The following MYH16 variants were observed in gnomAD, a reference collection of about 807,000 sequenced individuals.
MYH16 encodes the protein putative uncharacterized protein MYH16.
rs112941638 is a variant in MYH16, at chr7:99,294,554, A to ATAT, written n.4282+404_4282+405insTAT. On this transcript the variant is annotated intron_variant and non_coding_transcript_variant, in intron 33 of 41. Coordinates refer to ENST00000439784, the Ensembl canonical transcript of MYH16. ...AAGAAAAAGAAAAAAAGAAAAAAAA[A>ATAT]ATATATATATATATTTTTTTTCTTT... is the stretch of plus-strand genomic sequence containing the variant. Among the ~76,000 whole-genome samples the ATAT allele has an allele frequency of 1.7e-3, 222 of 132,896 alleles. 2 individuals carry two copies. Among genetic ancestry groups the ATAT allele is most frequent in the Admixed American group, 3.6e-3 (44 of 12,160 alleles). 87.2% of individuals were successfully genotyped at this position (132,896 alleles called of 152,430 possible). A position where few individuals can be genotyped will look rare whatever the true frequency, so the allele number is the denominator to read the frequency against.
At chr7:99,305,280 A>C (rs1792664514) in intron 40 of MYH16, among the ~76,000 whole-genome samples, 1 of 152,118 alleles carries the variant, frequency 6.6e-6, no homozygotes, top group Non-Finnish European at 1.5e-5. Context: ...AATTTCTCTC[A>C]AGTTCTCCTC....
At chr7:99,309,989 C>G (rs1443887910), downstream of MYH16, among the ~76,000 whole-genome samples, 3 of 151,318 alleles carry the variant, frequency 2.0e-5, no homozygotes, top group African/African-American at 4.9e-5. Flanking sequence ...GCCACTCCAG[C>G]CTGGGCAACA....
intron 8 of MYH16, chr7:99,255,488 AAGGGAGGGAGGGAGGG>A (rs569062247): frequency 7.2e-6 from 1 of 138,654 alleles, no homozygotes; most frequent in Non-Finnish European, 1.6e-5. Flanking sequence ...GGAAAGAAGG[AAGGGAGGGAGGGAGGG>A]AGGGAGGAGA....
chr7:99,281,615 G>A (rs1005124918), intron 23 of MYH16, among the ~76,000 whole-genome samples: 34 of 152,158 alleles, frequency 2.2e-4, no homozygotes, highest in African/African-American at 8.0e-4. Flanking sequence ...GCACACTGGA[G>A]AAAGTATGCT....
chr7:99,281,809 G>T (rs1471936623), intron 23 of MYH16, among the ~76,000 whole-genome samples: 2 of 152,174 alleles, frequency 1.3e-5, no homozygotes, highest in African/African-American at 4.8e-5. Context: ...GGCTCTGACC[G>T]GCCACCAGTG....
At chr7:99,270,030 T>C (rs1562778302) in intron 18 of MYH16, among the ~76,000 whole-genome samples, 1 of 151,404 alleles carries the variant, frequency 6.6e-6, no homozygotes, top group African/African-American at 2.4e-5. Flanking sequence ...CCTGCCAGCA[T>C]GCCTGGCTAA....
intron 4 of MYH16, among the ~76,000 whole-genome samples, chr7:99,249,411 C>A (rs1453174832): frequency 6.6e-6 from 1 of 151,318 alleles, no homozygotes; most frequent in Non-Finnish European, 1.5e-5. Context: ...TGGTGGTGCA[C>A]ACCTGTAGTC....
rs201230482 is a variant in MYH16, at chr7:99,302,317, TACACACACACACACACAC to T, written n.5137+543_5137+560del. 9.1e-4 allele frequency among the ~76,000 whole-genome samples: 87 copies of T among 95,568 alleles called. 3 individuals are homozygous for T. The highest frequency in any genetic ancestry group is 3.1e-3 in the East Asian group (11 of 3,554). 62.7% of individuals were successfully genotyped at this position (95,568 alleles called of 152,430 possible). A position where few individuals can be genotyped will look rare whatever the true frequency, so the allele number is the denominator to read the frequency against. On this transcript the variant is annotated intron_variant and non_coding_transcript_variant, in intron 38 of 41. Transcript: ENST00000439784. ...ACCATCTCAAAAAAAAAAAAATATA[TACACACACACACACACAC>T]ACACACACACACACACACACACACA...
intron 1 of MYH16, among the ~76,000 whole-genome samples, chr7:99,239,487 G>A (rs1009973272): frequency 2.6e-5 from 4 of 152,198 alleles, no homozygotes; most frequent in Non-Finnish European, 4.4e-5. Flanking sequence ...CTCTTCAGCT[G>A]CATGAAGAAC....
At chr7:99,277,933 GAGAGAC>G (rs1374142222) in intron 21 of MYH16, among the ~76,000 whole-genome samples, 138 of 135,400 alleles carry the variant, frequency 1.0e-3, no homozygotes, top group Admixed American at 2.7e-3. Flanking sequence ...GAGAGAGAGA[GAGAGAC>G]AGACAGACAG....
intron 22 of MYH16, among the ~76,000 whole-genome samples, chr7:99,280,069 C>T (rs1448127680): frequency 6.6e-6 from 1 of 152,148 alleles, no homozygotes; most frequent in African/African-American, 2.4e-5. Context: ...GATGGGGTTT[C>T]GCCATGTTGG....
chr7:99,294,556 T>A (rs1382628749), intron 33 of MYH16, among the ~76,000 whole-genome samples: 870 of 86,092 alleles, frequency 0.01, 5 homozygotes, highest in Middle Eastern at 0.019. Context: ...AAAAAAAAAA[T>A]ATATATATAT....
intron 38 of MYH16, among the ~76,000 whole-genome samples, chr7:99,302,668 G>A (rs1792618720): frequency 6.6e-6 from 1 of 151,884 alleles, no homozygotes; most frequent in African/African-American, 2.4e-5. Flanking sequence ...ACTGCTTGAG[G>A]CCAAGAGTTC....
At chr7:99,260,238 C>T (rs567085949) in exon 12 of MYH16, 6 of 1,608,942 alleles carry the variant, frequency 3.7e-6, no homozygotes, top group Non-Finnish European at 4.2e-6. Context: ...ACCACATGTT[C>T]GTGCTGGAGC....
intron 3 of MYH16, among the ~76,000 whole-genome samples, chr7:99,248,187 C>T (rs1791756440): frequency 6.6e-6 from 1 of 152,170 alleles, no homozygotes; most frequent in Non-Finnish European, 1.5e-5. Flanking sequence ...CTGCAACCTC[C>T]ACCTCCCAGG....
intron 20 of MYH16, 144 bp from the exon 3 acceptor site, chr7:99,277,395 C>A: frequency 3.0e-6 from 1 of 336,730 alleles, no homozygotes. Context: ...GGAGAGGGAC[C>A]CCACCCGCAG....
intron 21 of MYH16, among the ~76,000 whole-genome samples, chr7:99,278,099 C>CA (rs1308630171): frequency 6.6e-6 from 1 of 152,064 alleles, no homozygotes; most frequent in African/African-American, 2.4e-5. Flanking sequence ...GCTGGGACTA[C>CA]ACCACCATGC....
chr7:99,252,271 C>T (rs1381759242), intron 6 of MYH16, among the ~76,000 whole-genome samples: 2 of 152,118 alleles, frequency 1.3e-5, no homozygotes, highest in Non-Finnish European at 2.9e-5. Flanking sequence ...AGGAGCAATG[C>T]CCTGGCCTCG....
At chr7:99,260,091 G>C in intron 11 of MYH16, 1 of 1,355,066 alleles carries the variant, frequency 7.4e-7, no homozygotes. Context: ...GCTTGTGGTC[G>C]CTTCATTCAA....
Sources: allele counts gnomAD v4.1 joint callset (sites outside exome capture counted in the v4.1 genomes callset), GRCh38; gene constraint gnomAD v4.1.1; transcripts MANE v1.5; gene names NCBI Gene and HGNC (gene_info 2026-07-23, HGNC 2026-07-21).